Variants in ASRGL1 observed in about 807,000 individuals in gnomAD.
The protein encoded by ASRGL1 is asparaginase and isoaspartyl peptidase 1, also known as isoaspartyl peptidase/L-asparaginase.
In ASRGL1, 16 loss-of-function variants were observed where a neutral mutation model predicts 22.4. The observed-to-expected ratio is 0.71, with a 90% CI of 0.48 to 1.08. The LOEUF (loss-of-function observed/expected upper bound fraction) is 1.08, where lower values mean the gene tolerates loss of function less well. Among genes scored for constraint, ASRGL1 ranks in the 50% least tolerant of loss-of-function variants. ASRGL1 has a pLI of 0.00. For synonymous variants in ASRGL1, 165 were observed against 159.3 expected (o/e 1.04, Z -0.27); for missense variants, 412 against 410.1 (o/e 1.00, Z -0.04).
chr11:62,391,749 C>T, intron 6 of ASRGL1, 117 bp downstream of exon 6: 1 of 1,334,468 alleles, frequency 7.5e-7, no homozygotes, highest in Non-Finnish European at 1.0e-6. Context: ...ACAGATGTTG[C>T]TTTCAGGCCG....
At chr11:62,396,485 T>C (rs1947434184), downstream of ASRGL1, among the ~76,000 whole-genome samples, 1 of 152,134 alleles carries the variant, frequency 6.6e-6, no homozygotes, top group Admixed American at 6.5e-5. Flanking sequence ...CTAGAAAAAT[T>C]GGAGTTTCCC....
chr11:62,383,654 G>T (rs1395505093), intron 4 of ASRGL1, among the ~76,000 whole-genome samples: 2 of 146,154 alleles, frequency 1.4e-5, no homozygotes, highest in Admixed American at 7.0e-5. Flanking sequence ...AGGCTTGGTG[G>T]CTCACGCCTG....
chr11:62,338,893 C>A lies in ASRGL1; in HGVS notation c.190+726C>A, dbSNP rs190092945. Among the ~76,000 whole-genome samples the A allele has an allele frequency of 3.2e-4, 43 of 135,932 alleles. 1 individual carries two copies. In the East Asian group the frequency reaches 8.6e-3, roughly 27 times the overall value. The allele number at this position is 135,932 out of a possible 152,430, so 89.2% of individuals were successfully genotyped here. A position where few individuals can be genotyped will look rare whatever the true frequency, so the allele number is the denominator to read the frequency against. ...CTGAGAGGCAGAGGTTGCAGTGAGC[C>A]GAGATCACTCCAGCCTGGGCGACAG... On this transcript the variant is annotated intron_variant, in intron 2 of 6. Transcript: ENST00000415229.
chr11:62,394,665 T>A (rs1947409325), downstream of ASRGL1, among the ~76,000 whole-genome samples: 1 of 152,142 alleles, frequency 6.6e-6, no homozygotes. Context: ...GTCTTACCAA[T>A]TCTCCAGTTC....
At position 62,338,147 on chromosome 11, in the gene ASRGL1, A is replaced by G. The variant is rs373959296; in HGVS notation, c.170A>G (p.Asp57Gly). Reference protein sequence around the residue: ...AVEGAVVALEDDPEFNAGCGS... With the variant: ...AVEGAVVALEGDPEFNAGCGS... ...GAGGGAGCTGTCGTCGCCCTGGAAG[A>G]CGATCCCGAGTTCAACGCAGGTAAA... Residue 57 changes from aspartate (D) to glycine (G), a missense_variant, in exon 2 of 7, where the codon GAC becomes GGC. By Grantham distance (94) the Asp-to-Gly change is moderately conservative. Transcript: ENST00000415229. 4.4e-6 allele frequency: 7 copies of G among 1,583,442 alleles called. No homozygotes were observed. In the African/African-American group the frequency reaches 9.5e-5, roughly 21 times the overall value.
At chr11:62,378,230 G>T (rs1277633169) in intron 4 of ASRGL1, among the ~76,000 whole-genome samples, 3 of 152,132 alleles carry the variant, frequency 2.0e-5, no homozygotes, top group African/African-American at 7.2e-5. Flanking sequence ...TAATGAAAAG[G>T]AGTAGAGGTT....
chr11:62,363,559 A>C (rs1407037727), intron 4 of ASRGL1, among the ~76,000 whole-genome samples: 1 of 152,226 alleles, frequency 6.6e-6, no homozygotes, highest in Non-Finnish European at 1.5e-5. Flanking sequence ...TACTGTTTAA[A>C]AGATTATAAA....
chr11:62,389,216 A>T lies in ASRGL1; in HGVS notation c.575A>T (p.Lys192Ile). ...ACCTCCACAGGCGGTATCGTTAATA[A>T]AATGGTCGGCCGCGTTGGGGACTCA... Reference protein sequence around the residue: ...YATSTGGIVNKMVGRVGDSPC... With the variant: ...YATSTGGIVNIMVGRVGDSPC... The change falls in exon 5 of 7, where the codon AAA becomes ATA. Residue 192 changes from lysine (K) to isoleucine (I), a missense_variant. By Grantham distance (102) the Lys-to-Ile change is moderately radical. Transcript: ENST00000415229. The T allele has an allele frequency of 6.2e-7, 1 of 1,614,168 alleles. No individual in the cohort carries two copies. The highest frequency in any genetic ancestry group is 8.5e-7 in the Non-Finnish European group (1 of 1,180,036).
intron 4 of ASRGL1, among the ~76,000 whole-genome samples, chr11:62,361,248 G>A (rs1003350943): frequency 6.6e-6 from 1 of 152,028 alleles, no homozygotes; most frequent in Non-Finnish European, 1.5e-5. Context: ...CTCGAGTGCA[G>A]TGTTACAGTC....
At chr11:62,353,385 C>T (rs1946211172) in intron 2 of ASRGL1, among the ~76,000 whole-genome samples, 1 of 148,632 alleles carries the variant, frequency 6.7e-6, no homozygotes, top group Non-Finnish European at 1.5e-5. Context: ...TAGTCTGTCA[C>T]CCAGGCTGGA....
At chr11:62,384,036 G>A (rs909431296) in intron 4 of ASRGL1, among the ~76,000 whole-genome samples, 5 of 76,902 alleles carry the variant, frequency 6.5e-5, no homozygotes, top group Admixed American at 1.4e-4. Flanking sequence ...ACGTGTGTGC[G>A]TGTGTGTGTG....
In ASRGL1 at chr11:62,362,562, T is replaced by TAAAATA. The variant is rs1312578222; in HGVS notation, c.491+5418_491+5419insAAAATA. ...ATATAAAATATATAACATATATTATTTATATAATATATATTATATAAAATA... is the reference window on the plus strand; with the variant it reads ...ATATAAAATATATAACATATATTATTAAAATATATATAATATATATTATATAAAATA... On this transcript the variant is annotated intron_variant, in intron 4 of 6. Coordinates refer to ENST00000415229, the MANE Select transcript of ASRGL1 (RefSeq NM_001083926.2). Among the ~76,000 whole-genome samples the TAAAATA allele has an allele frequency of 2.5e-3, 62 of 24,574 alleles. 9 individuals carry two copies. Among genetic ancestry groups the TAAAATA allele is most frequent in the South Asian group, 3.5e-3 (3 of 862 alleles). The allele number at this position is 24,574 out of a possible 152,430, so 16.1% of individuals were successfully genotyped here.
chr11:62,368,060 A>C (rs1946664577), intron 4 of ASRGL1, among the ~76,000 whole-genome samples: 1 of 152,136 alleles, frequency 6.6e-6, no homozygotes, highest in South Asian at 2.1e-4. Flanking sequence ...AGCTCCCCCT[A>C]TCTGCGGTTT....
intron 5 of ASRGL1, 28 bp downstream of exon 5, chr11:62,389,279 T>C: frequency 2.5e-6 from 4 of 1,571,878 alleles, no homozygotes; most frequent in South Asian, 1.1e-5. Flanking sequence ...CTCCTGCCCC[T>C]TCCCCTCTTC....
chr11:62,397,235 G>T (rs932855007), downstream of ASRGL1, among the ~76,000 whole-genome samples: 4 of 152,102 alleles, frequency 2.6e-5, no homozygotes, highest in African/African-American at 9.7e-5. Context: ...TCACCATGTT[G>T]ATCAGGATAG....
intron 2 of ASRGL1, among the ~76,000 whole-genome samples, chr11:62,348,067 A>G (rs141875940): frequency 3.2e-4 from 48 of 152,354 alleles, no homozygotes; most frequent in African/African-American, 1.1e-3. Context: ...TAGACATTGT[A>G]TCAGGTATCA....
chr11:62,340,615 T>G (rs1237480199), intron 2 of ASRGL1, among the ~76,000 whole-genome samples: 1 of 152,188 alleles, frequency 6.6e-6, no homozygotes, highest in African/African-American at 2.4e-5. Context: ...TCCAGAGGCC[T>G]TCCTTCTCAA....
At chr11:62,388,885 A>G (rs1947274479) in intron 4 of ASRGL1, among the ~76,000 whole-genome samples, 1 of 152,050 alleles carries the variant, frequency 6.6e-6, no homozygotes, top group Non-Finnish European at 1.5e-5. Context: ...ACTTAGCATC[A>G]CAGCTAGAAA....
At chr11:62,398,048 A>G (rs965172277), downstream of ASRGL1, among the ~76,000 whole-genome samples, 1 of 151,962 alleles carries the variant, frequency 6.6e-6, no homozygotes, top group African/African-American at 2.4e-5. Flanking sequence ...CTGGCTGAAC[A>G]CCACCACAGG....
Sources: gnomAD v4.1 joint callset for allele counts (sites outside exome capture counted in the v4.1 genomes callset) on GRCh38, gnomAD v4.1.1 for gene constraint, MANE v1.5 for transcripts, NCBI Gene and HGNC (gene_info 2026-07-23, HGNC 2026-07-21) for gene names.